ST3GAL1: variants seen among roughly 807,000 people sequenced by gnomAD.
ST3GAL1 encodes CMP-N-acetylneuraminate-beta-galactosamide-alpha-2,3-sialyltransferase 1.
Under a neutral mutation model 34.1 loss-of-function variants are expected in ST3GAL1, and 16 were observed. The observed-to-expected ratio is 0.47, with a 90% confidence interval of 0.32 to 0.71. The LOEUF is 0.71. ST3GAL1 is among the 30% of genes least tolerant of loss of function. The pLI, the probability that ST3GAL1 is intolerant of heterozygous loss-of-function variation, is 0.04. For synonymous variants in ST3GAL1, 191 were observed against 184.7 expected (o/e 1.03, Z -0.28); for missense variants, 353 against 447.4 (o/e 0.79, Z 1.90).
intron 3 of ST3GAL1, among the ~76,000 whole-genome samples, chr8:133,497,456 A>ATT (rs1159737986): frequency 3.5e-3 from 72 of 20,418 alleles, no homozygotes; most frequent in South Asian, 5.6e-3. Flanking sequence ...TTTTGTTGGA[A>ATT]TTTTTTTTTT....
At chr8:133,484,469 G>T (rs1816504510) in intron 3 of ST3GAL1, among the ~76,000 whole-genome samples, 2 of 152,154 alleles carry the variant, frequency 1.3e-5, no homozygotes, top group Admixed American at 1.3e-4. Flanking sequence ...CAGGTCTTTT[G>T]TATCTTTGGG....
chr8:133,482,421 GGT>G (rs1816427900), intron 3 of ST3GAL1, among the ~76,000 whole-genome samples: 1 of 152,202 alleles, frequency 6.6e-6, no homozygotes, highest in African/African-American at 2.4e-5. Flanking sequence ...AGGCCCCAGA[GGT>G]GCCGAGGCAA....
rs949326468 is a variant in ST3GAL1 at position 133,459,641 on chromosome 8, G to A, written c.*123C>T. ...AACGGCTGGGTGCAAGAGGCTGTGA[G>A]CGGTGCCCAGGCACACACCTGAGGC... On this transcript the variant is annotated 3_prime_UTR_variant, in exon 10 of 10. Coordinates refer to ENST00000522652, the MANE Select transcript of ST3GAL1 (RefSeq NM_173344.3). This position sits in a 1 kb window ranked among gnomAD's most constrained non-coding sequence, Gnocchi z 4.7. 39 of 1,279,120 alleles carry A rather than the reference G, an allele frequency of 3.0e-5. No individual in the cohort carries two copies. The highest frequency in any genetic ancestry group is 4.1e-5 in the Non-Finnish European group (39 of 940,278). 79.2% of individuals were successfully genotyped at this position (1,279,120 alleles called of 1,614,324 possible).
intron 8 of ST3GAL1, among the ~76,000 whole-genome samples, chr8:133,462,962 C>T (rs764285730): frequency 1.3e-5 from 2 of 152,242 alleles, no homozygotes; most frequent in Non-Finnish European, 2.9e-5. Flanking sequence ...CCTCACTTCC[C>T]TCCTTCTTCT....
At chr8:133,540,844 T>TATATATAGAGAC (rs750877873) in intron 2 of ST3GAL1, among the ~76,000 whole-genome samples, 7 of 116,614 alleles carry the variant, frequency 6.0e-5, no homozygotes, top group East Asian at 2.2e-4. Flanking sequence ...TAGAGAGACA[T>TATATATAGAGAC]ATATATAGAG....
At chr8:133,536,861 A>G (rs1818326843) in intron 2 of ST3GAL1, among the ~76,000 whole-genome samples, 2 of 152,110 alleles carry the variant, frequency 1.3e-5, no homozygotes, top group Admixed American at 6.6e-5. Flanking sequence ...ATTCCCACCT[A>G]TTTCCTAAAA....
chr8:133,558,811 C>T lies in ST3GAL1; in HGVS notation c.-582+12882G>A, dbSNP rs139388971. 1.8e-4 allele frequency among the ~76,000 whole-genome samples: 27 copies of T among 152,254 alleles called. No individual in the cohort carries two copies. In the East Asian group the frequency reaches 2.1e-3, roughly 12 times the overall value. ...CAGTTTAATGTATAAAATCCTATGC[C>T]GCAGGTCTTCCAATAATGCTGTTTC... On this transcript the variant is annotated intron_variant, in intron 1 of 9. Transcript: ENST00000522652.
At chr8:133,549,121 C>A (rs553275901) in intron 1 of ST3GAL1, among the ~76,000 whole-genome samples, 1 of 152,226 alleles carries the variant, frequency 6.6e-6, no homozygotes, top group Non-Finnish European at 1.5e-5. Flanking sequence ...AAGGCAGTAG[C>A]GGGGCGTGGT....
chr8:133,558,773 A>G (rs147347197), intron 1 of ST3GAL1, among the ~76,000 whole-genome samples: 159 of 152,292 alleles, frequency 1.0e-3, no homozygotes, highest in Non-Finnish European at 1.8e-4. Flanking sequence ...GATTTCTGAC[A>G]TTGCATAAAT....
chr8:133,539,178 C>T (rs1818392157), intron 2 of ST3GAL1, among the ~76,000 whole-genome samples: 1 of 152,154 alleles, frequency 6.6e-6, no homozygotes, highest in African/African-American at 2.4e-5. Flanking sequence ...AAGGAAAGTG[C>T]CTTCGAAAAT....
rs1479953052 is a variant in ST3GAL1 at position 133,489,027 on chromosome 8, C to A, written c.-374+10108G>T. ...GTGGGACAGCCAAGGGCTGATGGTC[C>A]CTTGCTCCTGTCAAATGACCCCATC... On this transcript the variant is annotated intron_variant, in intron 3 of 9. Coordinates refer to ENST00000522652, the MANE Select transcript of ST3GAL1 (RefSeq NM_173344.3). 2.6e-5 allele frequency among the ~76,000 whole-genome samples: 4 copies of A among 152,114 alleles called. No individual in the cohort carries two copies. The East Asian group carries it at 7.7e-4, about 29-fold the overall frequency.
chr8:133,551,609 AGAAAGAAAGAGC>A (rs1243392306), intron 1 of ST3GAL1, among the ~76,000 whole-genome samples: 5 of 138,946 alleles, frequency 3.6e-5, no homozygotes, highest in African/African-American at 1.1e-4. Flanking sequence ...AAAGAAAGAA[AGAAAGAAAGAGC>A]GAGCAAGCCT....
intron 3 of ST3GAL1, among the ~76,000 whole-genome samples, chr8:133,479,083 G>C (rs558098402): frequency 6.6e-6 from 1 of 152,246 alleles, no homozygotes; most frequent in South Asian, 2.1e-4. Context: ...CCTTCAATGG[G>C]AAAAACGGAT....
rs573614771 is a variant in ST3GAL1 at position 133,530,742 on chromosome 8, G to A, written c.-429+15032C>T. On this transcript the variant is annotated intron_variant, in intron 2 of 9. Transcript: ENST00000522652. The stretch of plus-strand genomic sequence containing the variant: ...AGAGCTTCCAGACAAAAAGCATTTC[G>A]GGAAAAGCATCCTGTGTGACAGGAG... Among the ~76,000 whole-genome samples, 352 of 152,298 alleles carry A rather than the reference G, an allele frequency of 2.3e-3. 2 individuals are homozygous for A. Among genetic ancestry groups the A allele is most frequent in the African/African-American group, 7.6e-3 (315 of 41,570 alleles).
intron 5 of ST3GAL1, among the ~76,000 whole-genome samples, chr8:133,475,103 G>A (rs2130942385): frequency 6.6e-6 from 1 of 152,324 alleles, no homozygotes; most frequent in South Asian, 2.1e-4. Context: ...GATTAGGGTG[G>A]GCCCTAAACC....
At chr8:133,471,963 G>A (rs1298951380) in intron 5 of ST3GAL1, among the ~76,000 whole-genome samples, 1 of 151,854 alleles carries the variant, frequency 6.6e-6, no homozygotes, top group South Asian at 2.1e-4. Context: ...CCCAAGTTGG[G>A]GGCAAGTAGA....
chr8:133,534,836 A>G (rs1055007349), intron 2 of ST3GAL1, among the ~76,000 whole-genome samples: 2 of 152,186 alleles, frequency 1.3e-5, no homozygotes, highest in African/African-American at 2.4e-5. Flanking sequence ...CAGCCTTCAG[A>G]GCACCAGTCT....
chr8:133,467,034 G>A lies in ST3GAL1; in HGVS notation c.307-944C>T, dbSNP rs940515304. On this transcript the variant is annotated intron_variant, in intron 5 of 9. Coordinates refer to ENST00000522652, the MANE Select transcript of ST3GAL1 (RefSeq NM_173344.3). This position sits in a 1 kb window ranked among gnomAD's most constrained non-coding sequence, Gnocchi z 4.2. ...CTCTTGAACCCGGAAGGCGGAGGTT[G>A]CAGTGAGCCAAGACAGTGCCACTGC... 6.6e-6 allele frequency among the ~76,000 whole-genome samples: 1 copy of A among 151,472 alleles called. No individual in the cohort carries two copies. Among genetic ancestry groups the A allele is most frequent in the African/African-American group, 2.4e-5 (1 of 41,162 alleles).
At chr8:133,501,475 G>A (rs188077487) in intron 2 of ST3GAL1, among the ~76,000 whole-genome samples, 7 of 152,254 alleles carry the variant, frequency 4.6e-5, no homozygotes, top group Non-Finnish European at 4.4e-5. Flanking sequence ...CTGGCCGGGT[G>A]CAGTGGTTCA....
Sources: allele counts gnomAD v4.1 joint callset (sites outside exome capture counted in the v4.1 genomes callset), GRCh38; gene constraint gnomAD v4.1.1; non-coding constraint Gnocchi (gnomAD v3.1); transcripts MANE v1.5; gene names NCBI Gene and HGNC (gene_info 2026-07-23, HGNC 2026-07-21).